Variants in RALGDS observed in about 807,000 individuals in gnomAD.
The protein encoded by RALGDS is ral guanine nucleotide dissociation stimulator.
Under a neutral mutation model 99.8 loss-of-function variants are expected in RALGDS, and 44 were observed. The observed-to-expected ratio is 0.44, with a 90% CI of 0.35 to 0.57. RALGDS has a LOEUF of 0.57. Among genes scored for constraint, RALGDS ranks in the 20% least tolerant of loss-of-function variants. The probability of loss-of-function intolerance (pLI) is 0.01; values close to 1 mark genes in which losing one functional copy is unlikely to be tolerated. For missense variants in RALGDS, 1,022 were observed against 1,203.1 expected (o/e 0.85, Z 2.23); for synonymous variants, 529 against 505.0 (o/e 1.05, Z -0.64).
chr9:133,133,523 G>A (rs1020111475), upstream of RALGDS, among the ~76,000 whole-genome samples: 1 of 152,340 alleles, frequency 6.6e-6, no homozygotes, highest in Non-Finnish European at 1.5e-5. Context: ...TGCCTGGAAC[G>A]AAGACTGCCA....
chr9:133,100,905 G>A (rs1588507398), intron 16 of RALGDS: 3 of 1,055,718 alleles, frequency 2.8e-6, no homozygotes, highest in East Asian at 1.6e-4. Flanking sequence ...GCAATGAGGG[G>A]TCAGGAGCGT....
At chr9:133,120,788 C>T (rs1831891360) in intron 1 of RALGDS, among the ~76,000 whole-genome samples, 184 bp downstream of exon 1, 1 of 152,056 alleles carries the variant, frequency 6.6e-6, no homozygotes, top group Admixed American at 6.5e-5. Flanking sequence ...GCGGCAGCCC[C>T]CACTGCCCAC....
chr9:133,104,880 C>G (rs1269091575), intron 9 of RALGDS, among the ~76,000 whole-genome samples: 1 of 152,166 alleles, frequency 6.6e-6, no homozygotes, highest in Non-Finnish European at 1.5e-5. Flanking sequence ...CCTGTTATGG[C>G]TGCACACTCC....
Position 133,100,355 on chromosome 9 carries a change from C to T in RALGDS, c.2482G>A (p.Val828Ile), listed in dbSNP as rs754739326. The T allele has an allele frequency of 5.0e-6, 8 of 1,614,218 alleles. No individual in the cohort carries two copies. The highest frequency in any genetic ancestry group is 1.7e-5 in the Admixed American group (1 of 60,032). ...LVTSQDKAPA[V>I]IRKAMDKHNL... ...TGTTTGTCCATGGCCTTGCGGATTACAGCCGGAGCCTTATCTTGGCTGGTC... is the reference window on the plus strand; with the variant it reads ...TGTTTGTCCATGGCCTTGCGGATTATAGCCGGAGCCTTATCTTGGCTGGTC... Residue 828 changes from valine (V) to isoleucine (I), a missense_variant, in exon 17 of 18, where the codon GTA becomes ATA. Around this residue, in one of 3 missense-constraint regions of RALGDS, gnomAD observed 825 missense variants for 994.5 expected, o/e 0.83. Transcript: ENST00000372050.
chr9:133,112,247 T>C (rs1818824472), intron 1 of RALGDS, 95 bp from the exon 2 acceptor site: 14 of 814,110 alleles, frequency 1.7e-5, no homozygotes, highest in South Asian at 1.2e-4. Flanking sequence ...GTTTCCCAGA[T>C]AGGGCACAGA....
At position 133,109,709 on chromosome 9, in the gene RALGDS, A is replaced by C; in HGVS notation, c.501T>G (p.Cys167Trp). ...ATCTAGAGGAGGCCGTGAGGGCGTC[A>C]CATCTACCGTACCTGCTTATGACGT... The part of the protein sequence containing the change: ...LDLLFKRYGR[C>W]DALTASSRYG... The change falls in exon 4 of 18, where the codon TGT becomes TGG. Residue 167 changes from cysteine (C) to tryptophan (W), a missense_variant. By Grantham distance (215) the Cys-to-Trp change is radical. Coordinates refer to ENST00000372050, the MANE Select transcript of RALGDS (RefSeq NM_006266.4). The C allele has an allele frequency of 6.2e-7, 1 of 1,613,680 alleles. No homozygotes were observed. The highest frequency in any genetic ancestry group is 2.2e-5 in the East Asian group (1 of 44,880).
Position 133,098,948 on chromosome 9 carries a change from C to A in RALGDS, c.2570-186G>T, listed in dbSNP as rs554045355. On this transcript the variant is annotated intron_variant, in intron 17 of 17. Transcript: ENST00000372050. ...CCTGAGGACAGACTCTGCTGAGGTCCTCACAAAACCTGATGACTCTTGTTT... is the reference window on the plus strand; with the variant it reads ...CCTGAGGACAGACTCTGCTGAGGTCATCACAAAACCTGATGACTCTTGTTT... 1.1e-5 allele frequency: 7 copies of A among 610,238 alleles called. No homozygotes were observed. The East Asian group carries it at 1.7e-4, about 15-fold the overall frequency. The allele number at this position is 610,238 out of a possible 1,614,324, so 37.8% of individuals were successfully genotyped here. A position where few individuals can be genotyped will look rare whatever the true frequency, so the allele number is the denominator to read the frequency against.
chr9:133,131,366 T>G (rs541175919), upstream of RALGDS, among the ~76,000 whole-genome samples: 3 of 151,974 alleles, frequency 2.0e-5, no homozygotes, highest in Admixed American at 2.0e-4. Flanking sequence ...CTCCCTGTAC[T>G]CACCCTGTGG....
intron 1 of RALGDS, among the ~76,000 whole-genome samples, chr9:133,137,158 G>A (rs545177254): frequency 5.3e-5 from 8 of 151,534 alleles, no homozygotes; most frequent in Admixed American, 1.3e-4. Flanking sequence ...ACTTGAACCC[G>A]GGAGGTAAAG....
At chr9:133,124,830 T>C (rs1411952823), upstream of RALGDS, among the ~76,000 whole-genome samples, 1 of 152,252 alleles carries the variant, frequency 6.6e-6, no homozygotes, top group Non-Finnish European at 1.5e-5. Context: ...GGACAGCGTG[T>C]GTCACCAGTG....
chr9:133,136,025 T>C (rs1832419673), upstream of RALGDS, among the ~76,000 whole-genome samples: 1 of 152,116 alleles, frequency 6.6e-6, no homozygotes. Context: ...GCCTGCACTG[T>C]CTGCAGACCA....
chr9:133,117,115 T>G (rs1397187088), intron 1 of RALGDS, among the ~76,000 whole-genome samples: 1 of 152,186 alleles, frequency 6.6e-6, no homozygotes, highest in Non-Finnish European at 1.5e-5. Context: ...CCCAGGGCAC[T>G]TGGAAGGGTC....
chr9:133,130,065 G>A (rs568713928), intron 1 of RALGDS, among the ~76,000 whole-genome samples: 3 of 151,938 alleles, frequency 2.0e-5, no homozygotes, highest in African/African-American at 4.8e-5. Flanking sequence ...TCTGCCTCCC[G>A]GGTTCAAGCG....
intron 6 of RALGDS, 30 bp downstream of exon 6, chr9:133,107,958 A>C (rs990784136): frequency 6.2e-7 from 1 of 1,611,212 alleles, no homozygotes; most frequent in South Asian, 1.1e-5. Flanking sequence ...AGGCAGGCCC[A>C]CCCCTGCCCT....
At position 133,121,203 on chromosome 9, in the gene RALGDS, C is replaced by T; in HGVS notation, c.-49G>A. 1.0e-6 allele frequency: 1 copy of T among 961,916 alleles called. No individual in the cohort carries two copies. The highest frequency in any genetic ancestry group is 1.2e-6 in the Non-Finnish European group (1 of 813,694). 59.6% of individuals were successfully genotyped at this position (961,916 alleles called of 1,614,324 possible). A position where few individuals can be genotyped will look rare whatever the true frequency, so the allele number is the denominator to read the frequency against. On this transcript the variant is annotated 5_prime_UTR_variant, in exon 1 of 18. Transcript: ENST00000372050. ...GGGCCGGCCCGGCGCGCGGCGGGGG[C>T]GGCGGCGCGGCCCGCGCGGCTGGGC...
intron 1 of RALGDS, among the ~76,000 whole-genome samples, chr9:133,143,231 C>T (rs1386368324): frequency 6.6e-6 from 1 of 152,258 alleles, no homozygotes; most frequent in Non-Finnish European, 1.5e-5. Context: ...CAGCCCATGC[C>T]TTCTCCACAA....
chr9:133,148,575 T>C (rs541353118), intron 1 of RALGDS, among the ~76,000 whole-genome samples: 1 of 152,340 alleles, frequency 6.6e-6, no homozygotes, highest in South Asian at 2.1e-4. Flanking sequence ...TGTGTGAGCA[T>C]GTATGCGCAG....
chr9:133,098,315 T>G lies in RALGDS; in HGVS notation c.*272A>C. On this transcript the variant is annotated 3_prime_UTR_variant, in exon 18 of 18. Coordinates refer to ENST00000372050, the MANE Select transcript of RALGDS (RefSeq NM_006266.4). ...GCGCCCGGGGGCAGGCAGGGCACCATGCCATGCCCGTTGGCACTGCTCCTT... is the reference window on the plus strand; with the variant it reads ...GCGCCCGGGGGCAGGCAGGGCACCAGGCCATGCCCGTTGGCACTGCTCCTT... 5.8e-6 allele frequency: 3 copies of G among 513,876 alleles called. No homozygotes were observed. In the South Asian group the frequency reaches 6.0e-5, roughly 10 times the overall value. 31.8% of individuals were successfully genotyped at this position (513,876 alleles called of 1,614,324 possible). A position where few individuals can be genotyped will look rare whatever the true frequency, so the allele number is the denominator to read the frequency against.
upstream of RALGDS, among the ~76,000 whole-genome samples, chr9:133,133,591 A>G (rs560088808): frequency 1.2e-3 from 179 of 152,306 alleles, no homozygotes; most frequent in Non-Finnish European, 2.2e-3. Context: ...CTCCACCTGC[A>G]GCCTCCCCAC....
Sources: allele counts gnomAD v4.1 joint callset (sites outside exome capture counted in the v4.1 genomes callset), GRCh38; gene constraint gnomAD v4.1.1; regional missense constraint gnomAD v4.1.1; transcripts MANE v1.5; gene names NCBI Gene and HGNC (gene_info 2026-07-23, HGNC 2026-07-21).